The following CYSLTR2 variants were observed in gnomAD, a reference collection of about 807,000 sequenced individuals.
CYSLTR2 encodes cysteinyl leukotriene receptor 2.
For missense variants in CYSLTR2, 398 were observed against 411.9 expected, an observed-to-expected ratio of 0.97 and a Z score of 0.29; for synonymous variants, 179 against 160.8, an observed-to-expected ratio of 1.11 and a Z score of -0.86.
In CYSLTR2 at chr13:48,710,477, G is replaced by A. The variant is rs1394859502; in HGVS notation, c.*2619G>A. 1 of 152,174 alleles carries A rather than the reference G, an allele frequency of 6.6e-6. No individual in the cohort carries two copies. 9.4% of individuals were successfully genotyped at this position (152,174 alleles called of 1,614,324 possible). On this transcript the variant is annotated 3_prime_UTR_variant, in exon 5 of 5. Transcript: ENST00000682523. ...ACTTACTAATGTCCCCAAAGCATAA[G>A]AGTAGTGATGCTGGCAAATAAGATA... is the stretch of plus-strand genomic sequence containing the variant.
intron 1 of CYSLTR2, among the ~76,000 whole-genome samples, chr13:48,677,497 G>A (rs149675665): frequency 8.4e-4 from 128 of 152,274 alleles, no homozygotes; most frequent in African/African-American, 3.0e-3. Context: ...GAGTGGGAAG[G>A]TTGAGAGTCA....
At chr13:48,698,442 A>T (rs1176773479) in intron 4 of CYSLTR2, among the ~76,000 whole-genome samples, 4 of 152,236 alleles carry the variant, frequency 2.6e-5, no homozygotes, top group Non-Finnish European at 5.9e-5. Context: ...GTGAAGGAGA[A>T]ATAAAATCCT....
chr13:48,677,302 G>C (rs1183428212), intron 1 of CYSLTR2, among the ~76,000 whole-genome samples: 1 of 152,086 alleles, frequency 6.6e-6, no homozygotes, highest in Non-Finnish European at 1.5e-5. Flanking sequence ...ATGGGGCAGG[G>C]AAGGCATATT....
At chr13:48,699,070 A>G (rs1264739339) in intron 4 of CYSLTR2, among the ~76,000 whole-genome samples, 6 of 152,164 alleles carry the variant, frequency 3.9e-5, no homozygotes, top group Non-Finnish European at 5.9e-5. Flanking sequence ...CACAATAATA[A>G]TGGGAGACTT....
intron 1 of CYSLTR2, among the ~76,000 whole-genome samples, chr13:48,654,891 C>T (rs532549108): frequency 6.6e-6 from 1 of 152,228 alleles, no homozygotes; most frequent in East Asian, 1.9e-4. Flanking sequence ...AACAGATGAC[C>T]TAGGTCATTC....
At chr13:48,669,490 AT>A (rs554543343) in intron 1 of CYSLTR2, among the ~76,000 whole-genome samples, 213 of 151,272 alleles carry the variant, frequency 1.4e-3, no homozygotes, top group Admixed American at 4.0e-3. Flanking sequence ...ATGTGTTCTC[AT>A]TGTTCAACTC....
rs201720784 is a variant in CYSLTR2, at chr13:48,706,826, A to G, written c.9A>G (p.Arg3=). 52 of 1,607,306 alleles carry G rather than the reference A, an allele frequency of 3.2e-5. No individual in the cohort carries two copies. In the African/African-American group the frequency reaches 6.6e-4, roughly 20 times the overall value. The change falls in exon 5 of 5, where the codon AGA becomes AGG. Residue 3 remains arginine, a synonymous_variant. Transcript: ENST00000682523. ...TTTCTTTTTAACCCAGCATGGAGAG[A>G]AAATTTATGTCCTTGCAACCATCCA... ME[R]KFMSLQPSIS... is the part of the protein sequence containing the mutation.
intron 1 of CYSLTR2, among the ~76,000 whole-genome samples, chr13:48,661,763 T>C (rs1207895684): frequency 6.6e-6 from 1 of 152,250 alleles, no homozygotes; most frequent in African/African-American, 2.4e-5. Context: ...ATGGGGTATA[T>C]ATTGATGTTT....
intron 1 of CYSLTR2, among the ~76,000 whole-genome samples, chr13:48,683,989 C>A (rs1019562144): frequency 6.6e-6 from 1 of 152,144 alleles, no homozygotes; most frequent in African/African-American, 2.4e-5. Context: ...CATGAGCATA[C>A]CTCATTGCCA....
intron 1 of CYSLTR2, among the ~76,000 whole-genome samples, chr13:48,658,330 A>G (rs557910139): frequency 1.8e-4 from 28 of 152,312 alleles, no homozygotes; most frequent in African/African-American, 6.0e-4. Flanking sequence ...TCAAGGAAAA[A>G]CACATTAACA....
intron 4 of CYSLTR2, among the ~76,000 whole-genome samples, chr13:48,704,621 G>T (rs1954435826): frequency 6.6e-6 from 1 of 150,800 alleles, no homozygotes. Flanking sequence ...TACTGCATTT[G>T]CTACATCTCA....
chr13:48,660,666 C>G (rs1593929209), intron 1 of CYSLTR2, among the ~76,000 whole-genome samples: 1 of 152,192 alleles, frequency 6.6e-6, no homozygotes, highest in Middle Eastern at 3.2e-3. Context: ...TCTCCAAGAA[C>G]TTAATTCACC....
chr13:48,694,365 CT>C (rs1367774864), intron 3 of CYSLTR2, among the ~76,000 whole-genome samples: 2 of 152,176 alleles, frequency 1.3e-5, no homozygotes, highest in South Asian at 2.1e-4. Context: ...TCCTTATGGA[CT>C]TTTCCTTGTA....
intron 4 of CYSLTR2, among the ~76,000 whole-genome samples, chr13:48,704,315 A>G (rs2146860): frequency 0.61 from 92,503 of 152,058 alleles, 30,215 homozygotes; most frequent in African/African-American, 0.87. Context: ...TTGAGCTCAG[A>G]AGTTCAAGAC....
intron 1 of CYSLTR2, among the ~76,000 whole-genome samples, chr13:48,685,859 G>C (rs1953882368): frequency 6.6e-6 from 1 of 152,120 alleles, no homozygotes; most frequent in Non-Finnish European, 1.5e-5. Flanking sequence ...AAGTTTTCAA[G>C]GTTAAAAAAA....
chr13:48,677,868 ATTT>A (rs746179854), intron 1 of CYSLTR2, among the ~76,000 whole-genome samples: 10 of 131,674 alleles, frequency 7.6e-5, no homozygotes, highest in Admixed American at 2.3e-4. Flanking sequence ...GCCTGGTACT[ATTT>A]TTTTTTTTTT....
intron 1 of CYSLTR2, among the ~76,000 whole-genome samples, chr13:48,657,771 T>A (rs749369723): frequency 9.9e-5 from 15 of 151,086 alleles, no homozygotes; most frequent in Non-Finnish European, 1.9e-4. Context: ...CTAAAGAGTA[T>A]TTGAAGGCAT....
At chr13:48,683,554 C>T (rs1045438482) in intron 1 of CYSLTR2, among the ~76,000 whole-genome samples, 3 of 151,764 alleles carry the variant, frequency 2.0e-5, no homozygotes, top group South Asian at 2.1e-4. Context: ...AGTTTCTGTT[C>T]GTGTCCTTTG....
At chr13:48,683,059 T>C (rs1953800082) in intron 1 of CYSLTR2, among the ~76,000 whole-genome samples, 1 of 152,216 alleles carries the variant, frequency 6.6e-6, no homozygotes, top group African/African-American at 2.4e-5. Context: ...GGACACGATC[T>C]CATTCTTTTT....
Sources: gnomAD v4.1 joint callset for allele counts (sites outside exome capture counted in the v4.1 genomes callset) on GRCh38, gnomAD v4.1.1 for gene constraint, MANE v1.5 for transcripts, NCBI Gene and HGNC (gene_info 2026-07-23, HGNC 2026-07-21) for gene names.